The following P2RY4 variants were observed in gnomAD, a reference collection of about 807,000 sequenced individuals.
P2RY4 encodes the protein pyrimidinergic receptor P2Y4, also known as P2Y purinoceptor 4.
For missense variants in P2RY4, 291 were observed against 308.5 expected (o/e 0.94, Z 0.42); for synonymous variants, 121 against 131.6 (o/e 0.92, Z 0.55).
At position 70,259,234 on chromosome X, in the gene P2RY4, C is replaced by T. The variant is rs760116852; in HGVS notation, c.391G>A (p.Val131Met). 27 of 1,211,027 alleles carry T rather than the reference C, an allele frequency of 2.2e-5. No homozygotes were observed. The highest frequency in any genetic ancestry group is 2.7e-5 in the Non-Finnish European group (24 of 895,385). ...TGGCAGATGCCCAGGTAGCGGTGCA[C>T]GCTGATGCAGGTGAGGAAAAGGACA... Reference protein sequence around the residue: ...CSVLFLTCISVHRYLGICHPL... With the variant: ...CSVLFLTCISMHRYLGICHPL... The change falls in exon 1 of 1, where the codon GTG becomes ATG. Residue 131 changes from valine to methionine, a missense_variant. By Grantham distance (21) the Val-to-Met change is conservative (BLOSUM62 1). Coordinates refer to ENST00000374519, the MANE Select transcript of P2RY4 (RefSeq NM_002565.4).
In P2RY4 at chrX:70,259,514, C is replaced by T; in HGVS notation, c.111G>A (p.Leu37=). The change falls in exon 1 of 1, where the codon CTG becomes CTA. Residue 37 remains leucine (L), a synonymous_variant. Coordinates refer to ENST00000374519, the MANE Select transcript of P2RY4 (RefSeq NM_002565.4). ...AGACAACTGCATAGCTCACAGGCAGCAGGATGAACTTGAAATCCTCATCAA... is the reference window on the plus strand; with the variant it reads ...AGACAACTGCATAGCTCACAGGCAGTAGGATGAACTTGAAATCCTCATCAA... The part of the protein sequence containing the change: ...CWFDEDFKFI[L]LPVSYAVVFV... 8.3e-7 allele frequency: 1 copy of T among 1,210,534 alleles called. No homozygotes were observed. The highest frequency in any genetic ancestry group is 1.1e-6 in the Non-Finnish European group (1 of 894,758).
chrX:70,259,057 G>T lies in P2RY4; in HGVS notation c.568C>A (p.Arg190=). 2 of 1,211,862 alleles carry T rather than the reference G, an allele frequency of 1.7e-6. No individual in the cohort carries two copies. The highest frequency in any genetic ancestry group is 2.2e-6 in the Non-Finnish European group (2 of 895,376). ...ACATAGTGGTCAAACTCTTCAGGCC[G>T]AGTGGTGTCATGGCACAGGACGGTG... ...GTTVLCHDTT[R]PEEFDHYVHF... is the part of the protein sequence containing the mutation. The change falls in exon 1 of 1, where the codon CGG becomes AGG. Residue 190 remains arginine, a synonymous_variant. Coordinates refer to ENST00000374519, the MANE Select transcript of P2RY4 (RefSeq NM_002565.4).
rs1393536530 is a variant in P2RY4, at chrX:70,259,158, C to G, written c.467G>C (p.Cys156Ser). ...WGRPRLAGLL[C>S]LAVWLVVAGC... ...GGCTACGACCAACCAAACTGCCAGG[C>G]AGAGAAGGCCTGCGAGGCGAGGGCG... The change falls in exon 1 of 1, where the codon TGC (cysteine) becomes TCC (serine). Residue 156 changes from cysteine (C) to serine (S), a missense_variant. Coordinates refer to ENST00000374519, the MANE Select transcript of P2RY4 (RefSeq NM_002565.4). 6 of 1,212,214 alleles carry G rather than the reference C, an allele frequency of 4.9e-6. No homozygotes were observed. The highest frequency in any genetic ancestry group is 5.6e-6 in the Non-Finnish European group (5 of 895,661).
In P2RY4 at chrX:70,258,920, T is replaced by C. The variant is rs1242048401; in HGVS notation, c.705A>G (p.Ala235=). ...GAGAGCGGAGGCGAGAAGACGACTG[T>C]GCAGAGCCTGGCAAGGGCTGATACA... ...RRLYQPLPGS[A]QSSSRLRSLR... Residue 235 remains alanine (A), a synonymous_variant, in exon 1 of 1, where the codon GCA becomes GCG. Coordinates refer to ENST00000374519, the MANE Select transcript of P2RY4 (RefSeq NM_002565.4). 4 of 1,210,725 alleles carry C rather than the reference T, an allele frequency of 3.3e-6. No homozygotes were observed. Among genetic ancestry groups the C allele is most frequent in the Non-Finnish European group, 4.5e-6 (4 of 895,154 alleles).
Position 70,259,437 on chromosome X carries a change from C to T in P2RY4, c.188G>A (p.Arg63His), listed in dbSNP as rs752641496. Residue 63 changes from arginine (R) to histidine (H), a missense_variant, in exon 1 of 1, where the codon CGC becomes CAC. Arg to His is a conservative substitution (Grantham distance 29). Coordinates refer to ENST00000374519, the MANE Select transcript of P2RY4 (RefSeq NM_002565.4). ...NAPTLWLFIF[R>H]LRPWDATATY... ...GGCCGTTGCATCCCAGGGTCGGAGG[C>T]GGAAGATGAAGAGCCATAGGGTTGG... 5.8e-6 allele frequency: 7 copies of T among 1,209,930 alleles called. No individual in the cohort carries two copies. In the African/African-American group the frequency reaches 8.7e-5, roughly 15 times the overall value.
At position 70,259,647 on chromosome X, in the gene P2RY4, G is replaced by A; in HGVS notation, c.-23C>T. On this transcript the variant is annotated 5_prime_UTR_variant, in exon 1 of 1. Coordinates refer to ENST00000374519, the MANE Select transcript of P2RY4 (RefSeq NM_002565.4). ...CATGGCCCCCCTGGAGATGGGAAGG[G>A]GAGAAGTGAGGGTGGCAGGATTTCC... 1 of 1,153,589 alleles carries A rather than the reference G, an allele frequency of 8.7e-7. No individual in the cohort carries two copies. The highest frequency in any genetic ancestry group is 2.1e-5 in the South Asian group (1 of 47,819).
In P2RY4 at chrX:70,259,796, A is replaced by C. The variant is rs998911054; in HGVS notation, c.-172T>G. 7 of 484,891 alleles carry C rather than the reference A, an allele frequency of 1.4e-5. No individual in the cohort carries two copies. The Admixed American group carries it at 2.1e-4, about 14-fold the overall frequency. The allele number at this position is 484,891 out of a possible 1,213,427, so 40.0% of individuals were successfully genotyped here. On this transcript the variant is annotated 5_prime_UTR_variant, in exon 1 of 1. Transcript: ENST00000374519. Reference sequence around the variant, plus strand: ...CTCAGGCTAGCCTGGCCCCTACCCAAGCTCCCTTGGTCCAGCTTGGGAAGT... The same window carrying C: ...CTCAGGCTAGCCTGGCCCCTACCCACGCTCCCTTGGTCCAGCTTGGGAAGT...
Position 70,259,812 on chromosome X carries a change from C to A in P2RY4, c.-188G>T. On this transcript the variant is annotated 5_prime_UTR_variant, in exon 1 of 1. Coordinates refer to ENST00000374519, the MANE Select transcript of P2RY4 (RefSeq NM_002565.4). ...CCCTACCCAAGCTCCCTTGGTCCAG[C>A]TTGGGAAGTGGTGGGCAGCAGGCAG... The A allele has an allele frequency of 2.2e-6, 1 of 457,492 alleles. No individual in the cohort carries two copies. The highest frequency in any genetic ancestry group is 3.8e-6 in the Non-Finnish European group (1 of 264,356). The allele number at this position is 457,492 out of a possible 1,213,427, so 37.7% of individuals were successfully genotyped here.
In P2RY4 at chrX:70,258,769, C is replaced by T. The variant is rs375264957; in HGVS notation, c.856G>A (p.Val286Met). ...ADCRVLNIVN[V>M]VYKVTRPLAS... The stretch of plus-strand genomic sequence containing the variant: ...AGGGGCCGAGTCACTTTATAGACCA[C>T]GTTGACAATGTTCAGTACTCGGCAG... Residue 286 changes from valine to methionine, a missense_variant, in exon 1 of 1, where the codon GTG becomes ATG. Coordinates refer to ENST00000374519, the MANE Select transcript of P2RY4 (RefSeq NM_002565.4). The T allele has an allele frequency of 9.1e-6, 11 of 1,210,869 alleles. No individual in the cohort carries two copies. Among genetic ancestry groups the T allele is most frequent in the African/African-American group, 1.7e-5 (1 of 57,478 alleles).
At position 70,260,042 on chromosome X, in the gene P2RY4, G is replaced by A. The variant is rs949539404; in HGVS notation, c.-418C>T. 8.9e-6 allele frequency among the ~76,000 whole-genome samples: 1 copy of A among 112,157 alleles called. No homozygotes were observed. Among genetic ancestry groups the A allele is most frequent in the East Asian group, 2.8e-4 (1 of 3,560 alleles). The stretch of plus-strand genomic sequence containing the variant: ...GAGTGTCTCTCCCCACAGTGCCTTC[G>A]CCTCTCCTAGTGCCCTGGTCACAGT... On this transcript the variant is annotated 5_prime_UTR_variant, in exon 1 of 1. Transcript: ENST00000374519.
chrX:70,258,694 C>T lies in P2RY4; in HGVS notation c.931G>A (p.Asp311Asn), dbSNP rs1204851438. 6 of 1,211,783 alleles carry T rather than the reference C, an allele frequency of 5.0e-6. No individual in the cohort carries two copies. The African/African-American group carries it at 5.2e-5, about 10-fold the overall frequency. ...LDPVLYLLTGDKYRRQLRQLC... is the reference protein window; with the variant it reads ...LDPVLYLLTGNKYRRQLRQLC... ...TGACGGAGCTGACGTCGATATTTGTCCCCAGTGAGCAAGTAGAGCACAGGA... is the reference window on the plus strand; with the variant it reads ...TGACGGAGCTGACGTCGATATTTGTTCCCAGTGAGCAAGTAGAGCACAGGA... Residue 311 changes from aspartate (D) to asparagine (N), a missense_variant, in exon 1 of 1, where the codon GAC becomes AAC. By Grantham distance (23) the Asp-to-Asn change is conservative (BLOSUM62 1). Transcript: ENST00000374519.
rs201885904 is a variant in P2RY4, at chrX:70,258,813, G to T, written c.812C>A (p.Ala271Asp). The change falls in exon 1 of 1, where the codon GCC (alanine) becomes GAC (aspartate). Residue 271 changes from alanine to aspartate, a missense_variant. Transcript: ENST00000374519. ...TCGGCAGTCAGCTTCCAACAGCCTG[G>T]CCAGGTAGTAAATGGTGCGGGTGAT... ...FHITRTIYYL[A>D]RLLEADCRVL... The T allele has an allele frequency of 1.7e-6, 2 of 1,211,883 alleles. No homozygotes were observed. Among genetic ancestry groups the T allele is most frequent in the Non-Finnish European group, 2.2e-6 (2 of 895,364 alleles).
In P2RY4 at chrX:70,259,105, C is replaced by T; in HGVS notation, c.520G>A (p.Val174Ile). 5 of 1,211,926 alleles carry T rather than the reference C, an allele frequency of 4.1e-6. No homozygotes were observed. The highest frequency in any genetic ancestry group is 5.6e-6 in the Non-Finnish European group (5 of 895,567). ...AGCLVPNLFF[V>I]TTSNKGTTVL... ...GTGGTCCCTTTGTTGCTGGTTGTGA[C>T]AAAGAACAGGTTGGGCACGAGGCAG... The change falls in exon 1 of 1, where the codon GTC becomes ATC. Residue 174 changes from valine to isoleucine, a missense_variant. Physicochemically the swap from Val to Ile is conservative, Grantham distance 29. Coordinates refer to ENST00000374519, the MANE Select transcript of P2RY4 (RefSeq NM_002565.4).
rs1009331848 is a variant in P2RY4 at position 70,258,978 on chromosome X, G to A, written c.647C>T (p.Thr216Ile). 2 of 1,211,996 alleles carry A rather than the reference G, an allele frequency of 1.7e-6. No individual in the cohort carries two copies. The highest frequency in any genetic ancestry group is 2.2e-6 in the Non-Finnish European group (2 of 895,452). Residue 216 changes from threonine to isoleucine, a missense_variant, in exon 1 of 1, where the codon ACT (threonine) becomes ATT (isoleucine). Transcript: ENST00000374519. ...GLLFGVPCLV[T>I]LVCYGLMARR... Reference sequence around the variant, plus strand: ...AGCCATGAGTCCATAGCAAACAAGAGTGACCAGGCAGGGCACGCCAAAGAG... The same window carrying A: ...AGCCATGAGTCCATAGCAAACAAGAATGACCAGGCAGGGCACGCCAAAGAG...
Position 70,259,084 on chromosome X carries a change from T to A in P2RY4, c.541A>T (p.Thr181Ser), listed in dbSNP as rs777344545. The change falls in exon 1 of 1, where the codon ACC becomes TCC. Residue 181 changes from threonine to serine, a missense_variant. Physicochemically the swap from Thr to Ser is moderately conservative, Grantham distance 58. Transcript: ENST00000374519. ...GTGGTGTCATGGCACAGGACGGTGG[T>A]CCCTTTGTTGCTGGTTGTGACAAAG... is the stretch of plus-strand genomic sequence containing the variant. ...LFFVTTSNKGTTVLCHDTTRP... is the reference protein window; with the variant it reads ...LFFVTTSNKGSTVLCHDTTRP... The A allele has an allele frequency of 8.3e-7, 1 of 1,209,756 alleles. No individual in the cohort carries two copies. Among genetic ancestry groups the A allele is most frequent in the Admixed American group, 2.2e-5 (1 of 45,827 alleles).
chrX:70,258,338 T>G lies in P2RY4; in HGVS notation c.*189A>C, dbSNP rs2085578286. On this transcript the variant is annotated 3_prime_UTR_variant, in exon 1 of 1. Coordinates refer to ENST00000374519, the MANE Select transcript of P2RY4 (RefSeq NM_002565.4). The stretch of plus-strand genomic sequence containing the variant: ...GAAGATTGGCATTGGCTAAAAAGAG[T>G]CGGCAACTGAAGGGGTTATGAGAGA... The G allele has an allele frequency of 5.1e-6, 2 of 388,709 alleles. No homozygotes were observed. The highest frequency in any genetic ancestry group is 8.8e-6 in the Non-Finnish European group (2 of 227,107). The allele number at this position is 388,709 out of a possible 1,213,427, so 32.0% of individuals were successfully genotyped here.
At position 70,259,176 on chromosome X, in the gene P2RY4, C is replaced by T. The variant is rs750283070; in HGVS notation, c.449G>A (p.Arg150His). The change falls in exon 1 of 1, where the codon CGC becomes CAC. Residue 150 changes from arginine to histidine, a missense_variant. Coordinates refer to ENST00000374519, the MANE Select transcript of P2RY4 (RefSeq NM_002565.4). The stretch of plus-strand genomic sequence containing the variant: ...TGCCAGGCAGAGAAGGCCTGCGAGG[C>T]GAGGGCGGCCCCAGCGTAGTGCCCG... ...PLRALRWGRP[R>H]LAGLLCLAVW... 5.8e-6 allele frequency: 7 copies of T among 1,210,778 alleles called. No homozygotes were observed. The highest frequency in any genetic ancestry group is 3.0e-5 in the East Asian group (1 of 33,767).
In P2RY4 at chrX:70,259,697, G is replaced by A; in HGVS notation, c.-73C>T. 9.9e-7 allele frequency: 1 copy of A among 1,007,476 alleles called. No individual in the cohort carries two copies. The highest frequency in any genetic ancestry group is 3.3e-5 in the East Asian group (1 of 30,191). The allele number at this position is 1,007,476 out of a possible 1,213,427, so 83.0% of individuals were successfully genotyped here. A position where few individuals can be genotyped will look rare whatever the true frequency, so the allele number is the denominator to read the frequency against. On this transcript the variant is annotated 5_prime_UTR_variant, in exon 1 of 1. Transcript: ENST00000374519. ...CCTGCCCACCCCCATCCCTGAGCTG[G>A]AGCAAAAAAAGTAGAGCAGGGAGAG...
chrX:70,259,433 G>C lies in P2RY4; in HGVS notation c.192C>G (p.Leu64=), dbSNP rs1168405441. ...AGGTGGCCGTTGCATCCCAGGGTCG[G>C]AGGCGGAAGATGAAGAGCCATAGGG... ...APTLWLFIFR[L]RPWDATATYM... The change falls in exon 1 of 1, where the codon CTC becomes CTG. Residue 64 remains leucine (L), a synonymous_variant. Coordinates refer to ENST00000374519, the MANE Select transcript of P2RY4 (RefSeq NM_002565.4). 1 of 1,210,328 alleles carries C rather than the reference G, an allele frequency of 8.3e-7. No individual in the cohort carries two copies. Among genetic ancestry groups the C allele is most frequent in the African/African-American group, 1.7e-5 (1 of 57,465 alleles).
Sources: allele counts gnomAD v4.1 joint callset (sites outside exome capture counted in the v4.1 genomes callset), GRCh38; gene constraint gnomAD v4.1.1; transcripts MANE v1.5; gene names NCBI Gene and HGNC (gene_info 2026-07-23, HGNC 2026-07-21).